The following MAP3K5 variants were observed in gnomAD, a reference collection of about 807,000 sequenced individuals.
MAP3K5 encodes mitogen-activated protein kinase kinase kinase 5, also known as ASK-1.
MAP3K5 carries 56 observed loss-of-function variants against 158.7 expected under a neutral mutation model. The observed-to-expected ratio is 0.35, with a 90% CI of 0.28 to 0.44. MAP3K5 has a LOEUF of 0.44. Among genes scored for constraint, MAP3K5 ranks in the 20% least tolerant of loss-of-function variants. The pLI is 1.00. For missense variants in MAP3K5, 1,294 were observed against 1,674.8 expected, an observed-to-expected ratio of 0.77 and a Z score of 3.97; for synonymous variants, 579 against 601.7, an observed-to-expected ratio of 0.96 and a Z score of 0.55.
intron 1 of MAP3K5, among the ~76,000 whole-genome samples, chr6:136,750,744 C>T (rs1026646855): frequency 2.6e-5 from 4 of 152,198 alleles, no homozygotes; most frequent in Non-Finnish European, 5.9e-5. Context: ...CTGTCATTCT[C>T]ACACATTTCA....
At position 136,697,341 on chromosome 6, in the gene MAP3K5, T is replaced by C. The variant is rs1391189365; in HGVS notation, c.853A>G (p.Asn285Asp). The change falls in exon 5 of 30, where the codon AAT (asparagine) becomes GAT (aspartate). Residue 285 changes from asparagine to aspartate, a missense_variant. Coordinates refer to ENST00000359015, the MANE Select transcript of MAP3K5 (RefSeq NM_005923.4). ...SILNDIRKARNLYTGKELAAE... is the reference protein window; with the variant it reads ...SILNDIRKARDLYTGKELAAE... Reference sequence around the variant, plus strand: ...GCCAATTCTTTACCAGTGTATAAATTACGAGCTTTCCTGATGTCATTGAGT... The same window carrying C: ...GCCAATTCTTTACCAGTGTATAAATCACGAGCTTTCCTGATGTCATTGAGT... 1 of 1,613,544 alleles carries C rather than the reference T, an allele frequency of 6.2e-7. No individual in the cohort carries two copies. Among genetic ancestry groups the C allele is most frequent in the Admixed American group, 1.7e-5 (1 of 59,964 alleles).
chr6:136,647,536 A>G (rs1301440202), intron 11 of MAP3K5, among the ~76,000 whole-genome samples: 3 of 152,112 alleles, frequency 2.0e-5, no homozygotes, highest in Non-Finnish European at 4.4e-5. Context: ...CCTGTTTCCT[A>G]CCGACACATG....
intron 1 of MAP3K5, among the ~76,000 whole-genome samples, chr6:136,776,865 C>T (rs1358982966): frequency 6.6e-6 from 1 of 152,154 alleles, no homozygotes; most frequent in African/African-American, 2.4e-5. Context: ...ATACAGACAA[C>T]GCAGATCTGC....
At chr6:136,685,423 T>C (rs1329077515) in intron 7 of MAP3K5, among the ~76,000 whole-genome samples, 1 of 152,160 alleles carries the variant, frequency 6.6e-6, no homozygotes, top group Non-Finnish European at 1.5e-5. Flanking sequence ...CATTAGAGAC[T>C]CTCTGTAGCA....
intron 19 of MAP3K5, among the ~76,000 whole-genome samples, chr6:136,602,548 C>G (rs1384744353): frequency 1.3e-5 from 2 of 152,162 alleles, no homozygotes; most frequent in African/African-American, 4.8e-5. Context: ...AAGCAATCCA[C>G]CCACCTCAGC....
At position 136,611,135 on chromosome 6, in the gene MAP3K5, GAAAGA is replaced by G. The variant is rs1280383797; in HGVS notation, c.2521+142_2521+146del. ...AAAAAAAAAAAAAAAAAAAAAAAAA[GAAAGA>G]AAAGAAAAGAAAAGAAAGAAAAAAG... On this transcript the variant is annotated intron_variant, in intron 18 of 29. Transcript: ENST00000359015. The G allele has an allele frequency of 6.9e-3, 1,029 of 148,712 alleles. 2 individuals carry two copies. The highest frequency in any genetic ancestry group is 0.027 in the Middle Eastern group (9 of 334). The allele number at this position is 148,712 out of a possible 1,614,324, so 9.2% of individuals were successfully genotyped here.
chr6:136,567,732 G>C lies in MAP3K5; in HGVS notation c.3660C>G (p.Thr1220=). Residue 1220 remains threonine, a synonymous_variant, in exon 26 of 30, where the codon ACC becomes ACG. Transcript: ENST00000359015. ...TAGAACTGAGCGTGCTCACGCCTGA[G>C]GTAGCCACAGCATCTTCAATGACAG... ...PQAVIEDAVA[T]SGVSTLSSTV... is the part of the protein sequence containing the mutation. 1.2e-6 allele frequency: 2 copies of C among 1,614,078 alleles called. No individual in the cohort carries two copies. The highest frequency in any genetic ancestry group is 1.7e-6 in the Non-Finnish European group (2 of 1,180,022).
chr6:136,664,802 G>A (rs1332193785), intron 8 of MAP3K5, among the ~76,000 whole-genome samples: 10 of 152,174 alleles, frequency 6.6e-5, no homozygotes, highest in African/African-American at 9.7e-5. Context: ...ATGGTGGCAC[G>A]CACCTGTAAT....
intron 1 of MAP3K5, among the ~76,000 whole-genome samples, chr6:136,723,013 A>G (rs1186932133): frequency 6.6e-6 from 1 of 152,102 alleles, no homozygotes; most frequent in Non-Finnish European, 1.5e-5. Flanking sequence ...TAGAAGGCTT[A>G]AATCCTAAAA....
chr6:136,664,192 C>T (rs1390610022), intron 8 of MAP3K5, among the ~76,000 whole-genome samples: 1 of 152,048 alleles, frequency 6.6e-6, no homozygotes, highest in Non-Finnish European at 1.5e-5. Context: ...CTCATAGGAG[C>T]GTGAACACTA....
intron 3 of MAP3K5, among the ~76,000 whole-genome samples, chr6:136,700,961 C>G (rs1353305038): frequency 6.6e-6 from 1 of 152,198 alleles, no homozygotes; most frequent in African/African-American, 2.4e-5. Context: ...ACCCTTAGCA[C>G]TTAAGTAATA....
chr6:136,737,105 C>T (rs530240259), intron 1 of MAP3K5, among the ~76,000 whole-genome samples: 4 of 146,952 alleles, frequency 2.7e-5, no homozygotes, highest in Admixed American at 6.7e-5. Context: ...AGGCTATCGA[C>T]GGAGGCCAAT....
chr6:136,711,523 A>C (rs961179617), intron 2 of MAP3K5, among the ~76,000 whole-genome samples: 4 of 152,034 alleles, frequency 2.6e-5, no homozygotes, highest in African/African-American at 9.7e-5. Flanking sequence ...AAAATTAGCC[A>C]GGTGTAGCAG....
intron 7 of MAP3K5, among the ~76,000 whole-genome samples, chr6:136,673,403 G>A (rs1040533886): frequency 1.3e-5 from 2 of 152,114 alleles, no homozygotes; most frequent in Non-Finnish European, 2.9e-5. Flanking sequence ...ATAAACAAAA[G>A]CAAACACACA....
At chr6:136,683,949 T>C (rs895426182) in intron 7 of MAP3K5, among the ~76,000 whole-genome samples, 1 of 152,172 alleles carries the variant, frequency 6.6e-6, no homozygotes, top group Non-Finnish European at 1.5e-5. Flanking sequence ...TGGGAAGAAG[T>C]GACCAGGTGT....
intron 15 of MAP3K5, among the ~76,000 whole-genome samples, chr6:136,619,263 G>A (rs951022558): frequency 2.6e-5 from 4 of 152,162 alleles, no homozygotes; most frequent in Non-Finnish European, 5.9e-5. Context: ...TGGTATGCCC[G>A]ATAGAGAGAC....
chr6:136,588,202 T>C (rs568056724), intron 23 of MAP3K5, among the ~76,000 whole-genome samples: 2 of 152,184 alleles, frequency 1.3e-5, no homozygotes, highest in African/African-American at 4.8e-5. Context: ...CACTTTATGT[T>C]TTCCTAGCAC....
At chr6:136,627,281 C>CA (rs60946229) in intron 14 of MAP3K5, among the ~76,000 whole-genome samples, 33 of 150,902 alleles carry the variant, frequency 2.2e-4, no homozygotes, top group Non-Finnish European at 2.7e-4. Flanking sequence ...CACTTCTCTG[C>CA]AAAAAAAAAG....
At chr6:136,767,536 G>C (rs980361572) in intron 1 of MAP3K5, among the ~76,000 whole-genome samples, 1 of 152,014 alleles carries the variant, frequency 6.6e-6, no homozygotes, top group Non-Finnish European at 1.5e-5. Flanking sequence ...GTAGTCACTA[G>C]GTAAGAAGCA....
Sources: gnomAD v4.1 joint callset for allele counts (sites outside exome capture counted in the v4.1 genomes callset) on GRCh38, gnomAD v4.1.1 for gene constraint, MANE v1.5 for transcripts, NCBI Gene and HGNC (gene_info 2026-07-23, HGNC 2026-07-21) for gene names.